The following FOXR1 variants were observed in gnomAD, a reference collection of about 807,000 sequenced individuals.
FOXR1 encodes the protein forkhead box protein R1.
Under a neutral mutation model 34.5 loss-of-function variants are expected in FOXR1, and 25 were observed. That is an observed-to-expected ratio of 0.72 (90% CI 0.53 to 1.01). The LOEUF is 1.01. FOXR1 is among the 50% of genes least tolerant of loss of function. The probability of loss-of-function intolerance (pLI) is 0.00; values close to 1 mark genes in which losing one functional copy is unlikely to be tolerated. For missense variants in FOXR1, 373 were observed against 376.2 expected, an observed-to-expected ratio of 0.99 and a Z score of 0.07; for synonymous variants, 153 against 141.6, an observed-to-expected ratio of 1.08 and a Z score of -0.57.
rs782417553 is a variant in FOXR1, at chr11:118,980,620, T to C, written c.742T>C (p.Ser248Pro). Residue 248 changes from serine (S) to proline (P), a missense_variant, in exon 5 of 6, where the codon TCT becomes CCT. Ser to Pro is a moderately conservative substitution (Grantham distance 74, BLOSUM62 -1). Coordinates refer to ENST00000317011, the MANE Select transcript of FOXR1 (RefSeq NM_181721.3). ...MQGGASTRPR[S>P]CLWKLTEEGH... ...GGGCGGGGCCAGCACACGGCCTCGA[T>C]CTTGCCTCTGGAAGTTGACCGAGGA... 7.4e-6 allele frequency: 12 copies of C among 1,614,224 alleles called. No individual in the cohort carries two copies. Among genetic ancestry groups the C allele is most frequent in the Non-Finnish European group, 9.3e-6 (11 of 1,180,038 alleles).
At chr11:118,975,647 T>G (rs1430700707) in intron 1 of FOXR1, among the ~76,000 whole-genome samples, 1 of 152,080 alleles carries the variant, frequency 6.6e-6, no homozygotes, top group African/African-American at 2.4e-5. Context: ...CATGTTTGCA[T>G]GCTGATGAGA....
chr11:118,980,006 C>A (rs1177429342), intron 4 of FOXR1, among the ~76,000 whole-genome samples: 1 of 152,148 alleles, frequency 6.6e-6, no homozygotes, highest in African/African-American at 2.4e-5. Context: ...CGGTTCCCAC[C>A]TGCTTCTGCT....
intron 4 of FOXR1, 174 bp from the exon 5 acceptor site, chr11:118,980,316 C>T: frequency 1.3e-6 from 1 of 753,358 alleles, no homozygotes. Flanking sequence ...GAGCCACGCA[C>T]CACGTGGATG....
chr11:118,972,138 C>G (rs946235224), intron 1 of FOXR1, 146 bp downstream of exon 1: 2 of 704,274 alleles, frequency 2.8e-6, no homozygotes, highest in South Asian at 1.9e-5. Flanking sequence ...CGCCCCCCCC[C>G]CCCGACGGCT....
chr11:118,975,023 G>A (rs1234601846), intron 1 of FOXR1, among the ~76,000 whole-genome samples: 1 of 152,138 alleles, frequency 6.6e-6, no homozygotes, highest in Non-Finnish European at 1.5e-5. Flanking sequence ...AGTGGGGACT[G>A]CAGATGTAAA....
chr11:118,973,465 T>C (rs925024305), intron 1 of FOXR1, among the ~76,000 whole-genome samples: 23 of 152,112 alleles, frequency 1.5e-4, no homozygotes, highest in Non-Finnish European at 2.1e-4. Context: ...TTGCCCACGC[T>C]GCAGTGGTGC....
chr11:118,972,142 G>A (rs111286969), intron 1 of FOXR1, 150 bp downstream of exon 1: 1 of 583,532 alleles, frequency 1.7e-6, no homozygotes, highest in Non-Finnish European at 2.7e-6. Context: ...CCCCCCCCCC[G>A]ACGGCTTAGC....
At chr11:118,980,880 G>A (rs1168014453) in intron 5 of FOXR1, 152 bp downstream of exon 5, 2 of 825,604 alleles carry the variant, frequency 2.4e-6, no homozygotes, top group East Asian at 2.7e-5. Context: ...AGACCCTCAG[G>A]TGATGCCTGC....
chr11:118,972,133 C>CG (rs1192992628), intron 1 of FOXR1, 141 bp downstream of exon 1: 12 of 574,954 alleles, frequency 2.1e-5, no homozygotes, highest in Non-Finnish European at 2.8e-5. Context: ...CCCCGCGCCC[C>CG]CCCCCCCCGA....
In FOXR1 at chr11:118,980,611, C is replaced by T. The variant is rs201645538; in HGVS notation, c.733C>T (p.Arg245Trp). Residue 245 changes from arginine to tryptophan, a missense_variant, in exon 5 of 6, where the codon CGG becomes TGG. Coordinates refer to ENST00000317011, the MANE Select transcript of FOXR1 (RefSeq NM_181721.3). Reference sequence around the variant, plus strand: ...CAGCATGCAGGGCGGGGCCAGCACACGGCCTCGATCTTGCCTCTGGAAGTT... The same window carrying T: ...CAGCATGCAGGGCGGGGCCAGCACATGGCCTCGATCTTGCCTCTGGAAGTT... ...PVSMQGGAST[R>W]PRSCLWKLTE... 3 of 1,614,122 alleles carry T rather than the reference C, an allele frequency of 1.9e-6. No homozygotes were observed. Among genetic ancestry groups the T allele is most frequent in the South Asian group, 1.1e-5 (1 of 91,094 alleles).
Position 118,971,837 on chromosome 11 carries a change from C to T in FOXR1, c.-95C>T, listed in dbSNP as rs1395522841. On this transcript the variant is annotated 5_prime_UTR_variant, in exon 1 of 6. Coordinates refer to ENST00000317011, the MANE Select transcript of FOXR1 (RefSeq NM_181721.3). The stretch of plus-strand genomic sequence containing the variant: ...TCCGCGTCCCCACTCCGCGCCGCCG[C>T]GCCTCTGCCAGCCCCGAAGGTGGAC... 1.4e-6 allele frequency: 2 copies of T among 1,391,162 alleles called. No individual in the cohort carries two copies. The highest frequency in any genetic ancestry group is 2.0e-6 in the Non-Finnish European group (2 of 1,006,740). 86.2% of individuals were successfully genotyped at this position (1,391,162 alleles called of 1,614,324 possible).
At chr11:118,972,877 G>A (rs751087346) in intron 1 of FOXR1, among the ~76,000 whole-genome samples, 1 of 151,362 alleles carries the variant, frequency 6.6e-6, no homozygotes, top group Non-Finnish European at 1.5e-5. Flanking sequence ...CTGAGCCACC[G>A]CCCCCGGCCT....
intron 1 of FOXR1, among the ~76,000 whole-genome samples, chr11:118,977,107 T>C (rs899386119): frequency 6.6e-6 from 1 of 152,180 alleles, no homozygotes; most frequent in Non-Finnish European, 1.5e-5. Context: ...CTCAGCTCAC[T>C]GCAACTTCTG....
At position 118,980,520 on chromosome 11, in the gene FOXR1, G is replaced by C. The variant is rs376701436; in HGVS notation, c.642G>C (p.Pro214=). The change falls in exon 5 of 6, where the codon CCG becomes CCC. Residue 214 remains proline, a synonymous_variant. Transcript: ENST00000317011. ...ACTTCCCCTTTTTCCGGACGGCCCC[G>C]GAAGGCTGGAAGAATACTGTCCGTC... ...RKHFPFFRTA[P]EGWKNTVRHN... The C allele has an allele frequency of 1.9e-6, 3 of 1,614,228 alleles. No homozygotes were observed. Among genetic ancestry groups the C allele is most frequent in the East Asian group, 2.2e-5 (1 of 44,882 alleles).
At chr11:118,977,737 C>A (rs1221728425) in intron 1 of FOXR1, among the ~76,000 whole-genome samples, 3 of 152,040 alleles carry the variant, frequency 2.0e-5, no homozygotes, top group Non-Finnish European at 4.4e-5. Flanking sequence ...AGTGAGGGGG[C>A]AAAAATAGTT....
intron 3 of FOXR1, 71 bp from the exon 4 acceptor site, chr11:118,979,371 C>G (rs903726938): frequency 6.1e-6 from 9 of 1,485,698 alleles, no homozygotes; most frequent in Admixed American, 2.3e-5. Flanking sequence ...AGACCACCCC[C>G]CCTTCCTGCC....
chr11:118,978,077 G>A (rs1325954896), intron 1 of FOXR1, among the ~76,000 whole-genome samples: 1 of 152,108 alleles, frequency 6.6e-6, no homozygotes, highest in Admixed American at 6.6e-5. Context: ...AATTAGCCGG[G>A]TGTGGTGGCG....
Position 118,980,574 on chromosome 11 carries a change from G to C in FOXR1, c.696G>C (p.Glu232Asp). The C allele has an allele frequency of 6.2e-7, 1 of 1,614,270 alleles. No homozygotes were observed. Among genetic ancestry groups the C allele is most frequent in the Non-Finnish European group, 8.5e-7 (1 of 1,180,050 alleles). Residue 232 changes from glutamate (E) to aspartate (D), a missense_variant, in exon 5 of 6, where the codon GAG becomes GAC. By Grantham distance (45) the Glu-to-Asp change is conservative. Transcript: ENST00000317011. ...RHNLCFRDSF[E>D]KVPVSMQGGA... is the part of the protein sequence containing the mutation. ...ATCTCTGTTTTCGAGACAGCTTTGAGAAAGTGCCTGTCAGCATGCAGGGCG... is the reference window on the plus strand; with the variant it reads ...ATCTCTGTTTTCGAGACAGCTTTGACAAAGTGCCTGTCAGCATGCAGGGCG...
In FOXR1 at chr11:118,980,492, A is replaced by G. The variant is rs781806965; in HGVS notation, c.614A>G (p.Lys205Arg). The G allele has an allele frequency of 6.2e-7, 1 of 1,614,218 alleles. No homozygotes were observed. Among genetic ancestry groups the G allele is most frequent in the East Asian group, 2.2e-5 (1 of 44,884 alleles). The change falls in exon 5 of 6, where the codon AAG becomes AGG. Residue 205 changes from lysine (K) to arginine (R), a missense_variant and splice_region_variant. Lys to Arg is a conservative substitution (Grantham distance 26). Transcript: ENST00000317011. Reference sequence around the variant, plus strand: ...TTACCTCTCCTCCCTGTCCATAGAAAGCACTTCCCCTTTTTCCGGACGGCC... The same window carrying G: ...TTACCTCTCCTCCCTGTCCATAGAAGGCACTTCCCCTTTTTCCGGACGGCC... ...NVQQIYSFTR[K>R]HFPFFRTAPE...
Sources: gnomAD v4.1 joint callset for allele counts (sites outside exome capture counted in the v4.1 genomes callset) on GRCh38, gnomAD v4.1.1 for gene constraint, MANE v1.5 for transcripts, NCBI Gene and HGNC (gene_info 2026-07-23, HGNC 2026-07-21) for gene names.